The following CNTLN variants were observed in gnomAD, a reference collection of about 807,000 sequenced individuals.
CNTLN encodes centlein, centrosomal protein.
CNTLN carries 212 observed loss-of-function variants against 180.0 expected under a neutral mutation model. The observed-to-expected ratio is 1.18, with a 90% CI of 1.05 to 1.32. The LOEUF (loss-of-function observed/expected upper bound fraction) is 1.32. Ranked by LOEUF, CNTLN falls within the 40% of genes most tolerant of loss-of-function variation. The pLI, the probability that CNTLN is intolerant of heterozygous loss-of-function variation, is 0.00. For missense variants in CNTLN, 2,095 were observed against 1,610.9 expected, an observed-to-expected ratio of 1.30 and a Z score of -5.14; for synonymous variants, 722 against 563.1, an observed-to-expected ratio of 1.28 and a Z score of -3.99.
rs565283388 is a variant in CNTLN, at chr9:17,388,074, A to G, written c.1988-88A>G. 10 of 779,284 alleles carry G rather than the reference A, an allele frequency of 1.3e-5. No homozygotes were observed. In the East Asian group the frequency reaches 2.7e-4, roughly 21 times the overall value. The allele number at this position is 779,284 out of a possible 1,614,324, so 48.3% of individuals were successfully genotyped here. A position where few individuals can be genotyped will look rare whatever the true frequency, so the allele number is the denominator to read the frequency against. On this transcript the variant is annotated intron_variant, in intron 13 of 25. Transcript: ENST00000380647. ...AATAGCCTAGATTATTCACAGTTGA[A>G]AAACCATAGAACCCTTTTTCTTAAA...
At chr9:17,293,175 AC>A (rs1330168451) in intron 6 of CNTLN, among the ~76,000 whole-genome samples, 4 of 152,196 alleles carry the variant, frequency 2.6e-5, no homozygotes, top group African/African-American at 4.8e-5. Context: ...CCAGAGGGGC[AC>A]CAACCTGATG....
chr9:17,140,055 A>C lies in CNTLN; in HGVS notation c.361-3233A>C, dbSNP rs75372602. 0.019 allele frequency among the ~76,000 whole-genome samples: 2,918 copies of C among 152,318 alleles called. 199 individuals are homozygous for C. In the East Asian group the frequency reaches 0.24, roughly 13 times the overall value. ...TTAAGTGCCTGAAGGAAGGGAAAAT[A>C]TAAAGAGAATATGAGTGATTGATAA... On this transcript the variant is annotated intron_variant, in intron 1 of 25. Coordinates refer to ENST00000380647, the MANE Select transcript of CNTLN (RefSeq NM_017738.4).
At chr9:17,487,984 A>T (rs1832975367) in intron 25 of CNTLN, among the ~76,000 whole-genome samples, 1 of 152,142 alleles carries the variant, frequency 6.6e-6, no homozygotes, top group South Asian at 2.1e-4. Flanking sequence ...GACTGGAATA[A>T]ATAAAAGCCA....
At chr9:17,448,127 T>G (rs539597563) in intron 18 of CNTLN, 1 of 204,354 alleles carries the variant, frequency 4.9e-6, no homozygotes, top group Non-Finnish European at 1.1e-5. Flanking sequence ...CCTTCATTGT[T>G]TCCAACCATG....
chr9:17,261,291 C>T (rs571108121), intron 5 of CNTLN, among the ~76,000 whole-genome samples: 2 of 151,438 alleles, frequency 1.3e-5, no homozygotes, highest in Non-Finnish European at 2.9e-5. Flanking sequence ...GATATTGATT[C>T]TTCCAATCCA....
At chr9:17,415,532 A>G (rs2133882516) in intron 16 of CNTLN, among the ~76,000 whole-genome samples, 1 of 152,104 alleles carries the variant, frequency 6.6e-6, no homozygotes, top group East Asian at 1.9e-4. Context: ...TCTTGGTATC[A>G]GTTATAGAAT....
chr9:17,396,959 A>T (rs1826575699), intron 15 of CNTLN, among the ~76,000 whole-genome samples: 1 of 152,146 alleles, frequency 6.6e-6, no homozygotes, highest in African/African-American at 2.4e-5. Context: ...ATTAGAGGTA[A>T]AAACTTACTT....
chr9:17,209,428 T>A (rs1300071960), intron 2 of CNTLN, among the ~76,000 whole-genome samples: 1 of 152,220 alleles, frequency 6.6e-6, no homozygotes, highest in African/African-American at 2.4e-5. Context: ...AACTACTTAT[T>A]AGATCTATTT....
At chr9:17,176,499 T>G (rs1820727823) in intron 2 of CNTLN, among the ~76,000 whole-genome samples, 1 of 152,220 alleles carries the variant, frequency 6.6e-6, no homozygotes, top group Admixed American at 6.5e-5. Flanking sequence ...TAATGTTTTG[T>G]TAAGGATTGA....
intron 1 of CNTLN, among the ~76,000 whole-genome samples, chr9:17,138,463 G>C (rs1817868196): frequency 6.6e-6 from 1 of 152,164 alleles, no homozygotes. Flanking sequence ...TGTTGGAATT[G>C]TATGTGATCA....
chr9:17,264,849 G>T (rs201270081), intron 5 of CNTLN, among the ~76,000 whole-genome samples: 9 of 151,616 alleles, frequency 5.9e-5, no homozygotes, highest in African/African-American at 1.9e-4. Context: ...TTTGTCTGTT[G>T]TTGGTGTATA....
rs111489081 is a variant in CNTLN at position 17,135,718 on chromosome 9, C to A, written c.360+293C>A. 2.6e-3 allele frequency among the ~76,000 whole-genome samples: 400 copies of A among 152,346 alleles called. 5 individuals carry two copies. The highest frequency in any genetic ancestry group is 9.2e-3 in the African/African-American group (383 of 41,576). On this transcript the variant is annotated intron_variant, in intron 1 of 25. Coordinates refer to ENST00000380647, the MANE Select transcript of CNTLN (RefSeq NM_017738.4). ...AGTCGCATCCTCTCCGCTTCCCCCC[C>A]AAGCCCAAGTTCTTGGTGGTGACGG...
intron 2 of CNTLN, among the ~76,000 whole-genome samples, chr9:17,205,012 C>A (rs1224588945): frequency 6.6e-6 from 1 of 152,198 alleles, no homozygotes; most frequent in African/African-American, 2.4e-5. Flanking sequence ...AGGAAAGCCT[C>A]ATTCATTGCA....
chr9:17,473,875 G>T (rs1030337596), intron 23 of CNTLN, among the ~76,000 whole-genome samples: 1 of 152,044 alleles, frequency 6.6e-6, no homozygotes, highest in Non-Finnish European at 1.5e-5. Flanking sequence ...TGAACCCTTG[G>T]GAGCATTTGA....
In CNTLN at chr9:17,385,068, G is replaced by A. The variant is rs138663408; in HGVS notation, c.1988-3094G>A. ...CTCAGATTAGTTAATTTGCTAGAATGGCTCAAAAAAGTTTTCCATTTACTA... is the reference window on the plus strand; with the variant it reads ...CTCAGATTAGTTAATTTGCTAGAATAGCTCAAAAAAGTTTTCCATTTACTA... On this transcript the variant is annotated intron_variant, in intron 13 of 25. Coordinates refer to ENST00000380647, the MANE Select transcript of CNTLN (RefSeq NM_017738.4). Among the ~76,000 whole-genome samples the A allele has an allele frequency of 4.2e-3, 643 of 152,214 alleles. 4 individuals carry two copies. The highest frequency in any genetic ancestry group is 0.014 in the African/African-American group (578 of 41,528).
the CNTLN span, among the ~76,000 whole-genome samples, chr9:17,512,413 C>A: frequency 6.6e-6 from 1 of 152,160 alleles, no homozygotes; most frequent in African/African-American, 2.4e-5. Context: ...TGAATTACTG[C>A]AGGAACAGAA....
Position 17,462,972 on chromosome 9 carries a change from ACTC to A in CNTLN, c.3366_3368del (p.Leu1123del), listed in dbSNP as rs761172985. The A allele has an allele frequency of 2.5e-6, 4 of 1,584,594 alleles. No individual in the cohort carries two copies. The highest frequency in any genetic ancestry group is 2.3e-5 in the East Asian group (1 of 43,078). On this transcript the variant is annotated inframe_deletion, in exon 20 of 26. Coordinates refer to ENST00000380647, the MANE Select transcript of CNTLN (RefSeq NM_017738.4). Reference sequence around the variant, plus strand: ...CAAATGTGAAGACTTTGAAATTTGAACTCCTAGCAAAAGAAGAACACATAAAGG... The same window carrying A: ...CAAATGTGAAGACTTTGAAATTTGAACTAGCAAAAGAAGAACACATAAAGG...
rs1191492727 is a variant in CNTLN at position 17,176,235 on chromosome 9, A to AT, written c.449+32869dup. The stretch of plus-strand genomic sequence containing the variant: ...AATGGTCCCTGCAAGTTTTTTGTAA[A>AT]TTTTTTTTTTATCAAGTTGAGGAAA... On this transcript the variant is annotated intron_variant, in intron 2 of 25. Coordinates refer to ENST00000380647, the MANE Select transcript of CNTLN (RefSeq NM_017738.4). Among the ~76,000 whole-genome samples, 252 of 149,282 alleles carry AT rather than the reference A, an allele frequency of 1.7e-3. 1 individual carries two copies. The highest frequency in any genetic ancestry group is 5.7e-3 in the African/African-American group (230 of 40,704).
chr9:17,206,383 G>A (rs749515149), intron 2 of CNTLN, among the ~76,000 whole-genome samples: 13 of 152,148 alleles, frequency 8.5e-5, no homozygotes, highest in Non-Finnish European at 1.2e-4. Flanking sequence ...GCTCAGCTGC[G>A]TACTGTTGTG....
Sources: allele counts gnomAD v4.1 joint callset (sites outside exome capture counted in the v4.1 genomes callset), GRCh38; gene constraint gnomAD v4.1.1; transcripts MANE v1.5; gene names NCBI Gene and HGNC (gene_info 2026-07-23, HGNC 2026-07-21).